The following SYNE2 variants were observed in gnomAD, a reference collection of about 807,000 sequenced individuals.
SYNE2 encodes the protein spectrin repeat containing nuclear envelope protein 2.
A neutral mutation model predicts 856.3 loss-of-function variants in SYNE2; 431 were observed. The observed-to-expected ratio is 0.50, with a 90% CI of 0.47 to 0.55. The LOEUF is 0.55. SYNE2 is among the 20% of genes least tolerant of loss of function. The probability of loss-of-function intolerance (pLI) is 0.00; values close to 1 mark genes in which losing one functional copy is unlikely to be tolerated. For missense variants in SYNE2, 8,129 were observed against 8,023.2 expected (o/e 1.01, Z -0.50); for synonymous variants, 2,923 against 2,872.3 (o/e 1.02, Z -0.56).
At chr14:64,092,301 A>G (rs1200035637) in intron 60 of SYNE2, among the ~76,000 whole-genome samples, 1 of 149,424 alleles carries the variant, frequency 6.7e-6, no homozygotes, top group Non-Finnish European at 1.5e-5. Context: ...TTTCCATCTC[A>G]TTGTGCTGGT....
Position 64,016,614 on chromosome 14 carries a change from G to T in SYNE2, c.4870G>T (p.Val1624Leu). ...TTTTGAAAAAGAGGCTAATATTATTGTGGATAGATGGCTTGATGTAAGTGA... is the reference window on the plus strand; with the variant it reads ...TTTTGAAAAAGAGGCTAATATTATTTTGGATAGATGGCTTGATGTAAGTGA... ...PPFEKEANII[V>L]DRWLDINEKT... Residue 1624 changes from valine (V) to leucine (L), a missense_variant, in exon 33 of 116, where the codon GTG (valine) becomes TTG (leucine). Around this residue, in one of 3 missense-constraint regions of SYNE2, gnomAD observed 2,422 missense variants for 2,357.4 expected, o/e 1.03. Transcript: ENST00000555002. 1 of 1,595,562 alleles carries T rather than the reference G, an allele frequency of 6.3e-7. No individual in the cohort carries two copies. The highest frequency in any genetic ancestry group is 1.1e-5 in the South Asian group (1 of 88,324).
intron 2 of SYNE2, among the ~76,000 whole-genome samples, chr14:63,937,276 A>G (rs1444911510): frequency 6.6e-6 from 1 of 152,178 alleles, no homozygotes; most frequent in Non-Finnish European, 1.5e-5. Context: ...AGACAAATGA[A>G]GCGATGGCTG....
At chr14:63,852,048 C>T (rs1432579331), upstream of SYNE2, among the ~76,000 whole-genome samples, 3 of 128,212 alleles carry the variant, frequency 2.3e-5, no homozygotes, top group Admixed American at 2.0e-4. Flanking sequence ...ATCTTGAGAC[C>T]AGGAGGTAGA....
chr14:64,183,316 C>T (rs1179623226), intron 96 of SYNE2, among the ~76,000 whole-genome samples: 4 of 145,730 alleles, frequency 2.7e-5, no homozygotes, highest in East Asian at 2.1e-4. Flanking sequence ...CCATCCCAGA[C>T]GGGGCGGCAG....
At chr14:64,046,240 C>T (rs1192404378) in intron 45 of SYNE2, among the ~76,000 whole-genome samples, 10 of 152,218 alleles carry the variant, frequency 6.6e-5, no homozygotes, top group Non-Finnish European at 1.3e-4. Context: ...TAGAGAACCT[C>T]AAGTTCTTAA....
chr14:63,955,059 G>C, intron 8 of SYNE2, 144 bp downstream of exon 8: 2 of 710,232 alleles, frequency 2.8e-6, no homozygotes, highest in South Asian at 1.7e-5. Context: ...CGAATTTGAT[G>C]CAATCAAACA....
rs758664207 is a variant in SYNE2 at position 64,031,103 on chromosome 14, G to C, written c.6967G>C (p.Val2323Leu). The change falls in exon 45 of 116, where the codon GTG (valine) becomes CTG (leucine). Residue 2323 changes from valine to leucine, a missense_variant. Physicochemically the swap from Val to Leu is conservative, Grantham distance 32. Coordinates refer to ENST00000555002, the MANE Select transcript of SYNE2 (RefSeq NM_182914.3). ...AKSVKQNTSSVGQKIIKDDIK... is the reference protein window; with the variant it reads ...AKSVKQNTSSLGQKIIKDDIK... ...ATCCGTCAAGCAAAATACATCTTCA[G>C]TGGGGCAGAAGATTATTAAAGATGA... The C allele has an allele frequency of 1.2e-6, 2 of 1,614,088 alleles. No homozygotes were observed. The highest frequency in any genetic ancestry group is 1.7e-6 in the Non-Finnish European group (2 of 1,180,000).
intron 108 of SYNE2, 32 bp downstream of exon 108, chr14:64,216,419 A>G (rs950494414): frequency 6.2e-7 from 1 of 1,608,196 alleles, no homozygotes; most frequent in Non-Finnish European, 8.5e-7. Flanking sequence ...AGTACAGCCT[A>G]TGTCTGTGAG....
chr14:63,981,816 T>G (rs1175550452), intron 16 of SYNE2, among the ~76,000 whole-genome samples: 1 of 152,172 alleles, frequency 6.6e-6, no homozygotes, highest in Non-Finnish European at 1.5e-5. Flanking sequence ...AAACTAAAAT[T>G]AATAGAAAAT....
chr14:63,898,962 C>T (rs1252652029), intron 1 of SYNE2, among the ~76,000 whole-genome samples: 2 of 152,120 alleles, frequency 1.3e-5, no homozygotes, highest in Non-Finnish European at 2.9e-5. Context: ...CCATCCATTT[C>T]CAGAACTCTT....
chr14:64,209,382 A>T (rs199606757), intron 101 of SYNE2, 46 bp from the exon 102 acceptor site: 38 of 1,614,096 alleles, frequency 2.4e-5, no homozygotes, highest in Non-Finnish European at 3.0e-5. Context: ...GCAAAAGCAC[A>T]GGCTTGGAGG....
intron 1 of SYNE2, among the ~76,000 whole-genome samples, chr14:63,813,579 G>A (rs1239050085): frequency 6.6e-6 from 1 of 152,164 alleles, no homozygotes; most frequent in African/African-American, 2.4e-5. Flanking sequence ...TGGATCACGA[G>A]GTCAGGAGTT....
intron 99 of SYNE2, among the ~76,000 whole-genome samples, chr14:64,200,664 T>G (rs1152600): frequency 0.073 from 11,118 of 152,318 alleles, 642 homozygotes; most frequent in East Asian, 0.34. Flanking sequence ...CGTATCCTTG[T>G]GGTGTTTGCA....
chr14:64,037,339 G>A (rs957562662), intron 45 of SYNE2, among the ~76,000 whole-genome samples: 20 of 150,702 alleles, frequency 1.3e-4, no homozygotes, highest in Non-Finnish European at 1.5e-4. Flanking sequence ...GACTCTTAAC[G>A]AGCATGCTGC....
chr14:63,872,963 T>A (rs112286219), intron 1 of SYNE2, among the ~76,000 whole-genome samples: 8,629 of 152,126 alleles, frequency 0.057, 267 homozygotes, highest in Middle Eastern at 0.099. Context: ...CACTTATTGG[T>A]TGATATTTAG....
chr14:64,189,123 C>T, intron 98 of SYNE2: 1 of 619,708 alleles, frequency 1.6e-6, no homozygotes. Flanking sequence ...CACCTGAGGT[C>T]AAGAGTTCAA....
intron 1 of SYNE2, among the ~76,000 whole-genome samples, chr14:63,866,861 C>T (rs534631469): frequency 4.6e-5 from 7 of 152,102 alleles, no homozygotes; most frequent in Admixed American, 3.3e-4. Context: ...AGTTCCAGCT[C>T]CTCAGGAGAC....
intron 53 of SYNE2, among the ~76,000 whole-genome samples, chr14:64,074,993 G>A (rs2097446288): frequency 6.6e-6 from 1 of 152,184 alleles, no homozygotes; most frequent in Non-Finnish European, 1.5e-5. Flanking sequence ...ATGAAAGCCT[G>A]TACTCCTGGA....
intron 1 of SYNE2, among the ~76,000 whole-genome samples, chr14:63,901,235 A>C (rs926944166): frequency 2.0e-5 from 3 of 152,238 alleles, no homozygotes; most frequent in African/African-American, 4.8e-5. Context: ...CACTCAGAGA[A>C]TTTAAAAAAT....
Sources: allele counts gnomAD v4.1 joint callset (sites outside exome capture counted in the v4.1 genomes callset), GRCh38; gene constraint gnomAD v4.1.1; regional missense constraint gnomAD v4.1.1; transcripts MANE v1.5; gene names NCBI Gene and HGNC (gene_info 2026-07-23, HGNC 2026-07-21).